Variants in NCAM2 observed in about 807,000 individuals in gnomAD.
The protein encoded by NCAM2 is neural cell adhesion molecule 2.
A neutral mutation model predicts 98.1 loss-of-function variants in NCAM2; 30 were observed. The observed-to-expected ratio is 0.31, with a 90% CI of 0.23 to 0.41. NCAM2 has a LOEUF of 0.41. Among genes scored for constraint, NCAM2 ranks in the 10% least tolerant of loss-of-function variants. The probability of loss-of-function intolerance (pLI) is 1.00; values close to 1 mark genes in which losing one functional copy is unlikely to be tolerated. For synonymous variants in NCAM2, 368 were observed against 342.4 expected, an observed-to-expected ratio of 1.07 and a Z score of -0.83; for missense variants, 867 against 1,005.8, an observed-to-expected ratio of 0.86 and a Z score of 1.87.
At chr21:21,020,410 G>GA (rs2064408155) in intron 1 of NCAM2, among the ~76,000 whole-genome samples, 1 of 152,072 alleles carries the variant, frequency 6.6e-6, no homozygotes, top group African/African-American at 2.4e-5. Context: ...GACATTACTC[G>GA]AACTGTTGTC....
chr21:21,025,421 G>A (rs8127351), intron 1 of NCAM2, among the ~76,000 whole-genome samples: 1,841 of 152,194 alleles, frequency 0.012, 32 homozygotes, highest in African/African-American at 0.042. Context: ...AGGACTGGCG[G>A]TTTCTGTGTA....
chr21:21,349,054 G>A (rs2075265901), intron 8 of NCAM2, among the ~76,000 whole-genome samples: 1 of 152,076 alleles, frequency 6.6e-6, no homozygotes, highest in Non-Finnish European at 1.5e-5. Context: ...TACCCCACAA[G>A]CACAGGCAAC....
chr21:21,319,878 T>C (rs2074329311), intron 5 of NCAM2, among the ~76,000 whole-genome samples: 1 of 152,206 alleles, frequency 6.6e-6, no homozygotes, highest in South Asian at 2.1e-4. Flanking sequence ...ACTTGCTGTC[T>C]AAGGAAGGAA....
intron 1 of NCAM2, among the ~76,000 whole-genome samples, chr21:21,173,371 G>A (rs916007757): frequency 6.6e-6 from 1 of 152,180 alleles, no homozygotes; most frequent in African/African-American, 2.4e-5. Flanking sequence ...GACTTGCTTA[G>A]AGGCACATTA....
intron 1 of NCAM2, among the ~76,000 whole-genome samples, chr21:21,066,417 T>TAC (rs572958891): frequency 0.032 from 4,799 of 151,368 alleles, 112 homozygotes; most frequent in East Asian, 0.1. Context: ...TTATAACATA[T>TAC]ACACACACAC....
At chr21:21,470,442 G>T (rs985125779) in intron 14 of NCAM2, among the ~76,000 whole-genome samples, 3 of 152,102 alleles carry the variant, frequency 2.0e-5, no homozygotes, top group African/African-American at 7.2e-5. Flanking sequence ...AGAGACTCAA[G>T]TTCATATAAT....
At chr21:21,183,143 A>G (rs1047315289) in intron 1 of NCAM2, among the ~76,000 whole-genome samples, 8 of 152,178 alleles carry the variant, frequency 5.3e-5, no homozygotes, top group Non-Finnish European at 1.0e-4. Context: ...AGAATGTTAT[A>G]TAAATTACTT....
At chr21:21,209,050 T>C (rs1463647899) in intron 1 of NCAM2, among the ~76,000 whole-genome samples, 1 of 152,104 alleles carries the variant, frequency 6.6e-6, no homozygotes, top group African/African-American at 2.4e-5. Flanking sequence ...ATCTGTGAAA[T>C]ATATTGATTT....
chr21:21,212,989 CTT>C (rs1256029458), intron 1 of NCAM2, among the ~76,000 whole-genome samples: 2 of 152,062 alleles, frequency 1.3e-5, no homozygotes, highest in Non-Finnish European at 2.9e-5. Context: ...ATCCGCCCGC[CTT>C]GGCCTCCTGA....
At position 21,534,613 on chromosome 21, in the gene NCAM2, C is replaced by A; in HGVS notation, c.2359C>A (p.Pro787Thr). The change falls in exon 17 of 18, where the codon CCA becomes ACA. Residue 787 changes from proline to threonine, a missense_variant. Physicochemically the swap from Pro to Thr is conservative, Grantham distance 38. Transcript: ENST00000400546. ...AGTTACTAATCACGAAGATGGGAGC[C>A]CAGTAAATGAGCCAAATGAAACCAC... ...ERVTNHEDGS[P>T]VNEPNETTPL... The A allele has an allele frequency of 6.2e-7, 1 of 1,610,720 alleles. No individual in the cohort carries two copies. The highest frequency in any genetic ancestry group is 8.5e-7 in the Non-Finnish European group (1 of 1,178,314).
chr21:21,460,429 G>T (rs974706375), intron 12 of NCAM2, among the ~76,000 whole-genome samples: 1 of 151,862 alleles, frequency 6.6e-6, no homozygotes, highest in African/African-American at 2.4e-5. Context: ...GGTATTAAAT[G>T]AAATAGGATC....
chr21:21,271,883 G>A (rs764866332), intron 1 of NCAM2, among the ~76,000 whole-genome samples: 3 of 152,024 alleles, frequency 2.0e-5, no homozygotes, highest in South Asian at 2.1e-4. Context: ...ATCACACACC[G>A]GGGCCTGTCA....
At chr21:21,035,177 C>T (rs775238610) in intron 1 of NCAM2, among the ~76,000 whole-genome samples, 1 of 152,130 alleles carries the variant, frequency 6.6e-6, no homozygotes, top group Non-Finnish European at 1.5e-5. Flanking sequence ...TATTTATTGG[C>T]TCCATAAATC....
intron 1 of NCAM2, among the ~76,000 whole-genome samples, chr21:21,127,398 C>T (rs73332378): frequency 0.015 from 2,231 of 151,958 alleles, 36 homozygotes; most frequent in African/African-American, 0.047. Context: ...AAATGTGTAA[C>T]GATCAAACCA....
chr21:21,002,447 C>T (rs7276994), intron 1 of NCAM2, among the ~76,000 whole-genome samples: 87,988 of 151,952 alleles, frequency 0.58, 26,045 homozygotes, highest in East Asian at 0.82. Flanking sequence ...GACTAGTTTG[C>T]AATGAAACTG....
chr21:21,157,457 T>A (rs1177392006), intron 1 of NCAM2, among the ~76,000 whole-genome samples: 1 of 152,164 alleles, frequency 6.6e-6, no homozygotes, highest in East Asian at 1.9e-4. Flanking sequence ...GGAAGCCGAT[T>A]AGTTGGTAGT....
intron 4 of NCAM2, among the ~76,000 whole-genome samples, 193 bp from the exon 5 acceptor site, chr21:21,291,911 G>A (rs1227950045): frequency 6.6e-6 from 1 of 151,106 alleles, no homozygotes; most frequent in Non-Finnish European, 1.5e-5. Flanking sequence ...AAAAAAAAAG[G>A]TGTAACAAAG....
At chr21:21,473,120 C>A (rs1018551263) in intron 14 of NCAM2, among the ~76,000 whole-genome samples, 1 of 151,044 alleles carries the variant, frequency 6.6e-6, no homozygotes, top group Non-Finnish European at 1.5e-5. Context: ...TGATGAGTAC[C>A]TGTTTGTTTC....
chr21:21,074,707 A>T (rs2065642634), intron 1 of NCAM2, among the ~76,000 whole-genome samples: 1 of 150,666 alleles, frequency 6.6e-6, no homozygotes, highest in African/African-American at 2.4e-5. Context: ...GGGTCAAGCT[A>T]ACACTCGTTC....
Sources: gnomAD v4.1 joint callset for allele counts (sites outside exome capture counted in the v4.1 genomes callset) on GRCh38, gnomAD v4.1.1 for gene constraint, MANE v1.5 for transcripts, NCBI Gene and HGNC (gene_info 2026-07-23, HGNC 2026-07-21) for gene names.